Variants in EML1 observed in about 807,000 individuals in gnomAD.
EML1 encodes the protein echinoderm microtubule-associated protein-like 1.
Under a neutral mutation model 110.4 loss-of-function variants are expected in EML1, and 27 were observed. That is an observed-to-expected ratio of 0.24 (90% CI 0.18 to 0.34). The LOEUF (loss-of-function observed/expected upper bound fraction) is 0.34, where lower values mean the gene tolerates loss of function less well. Among genes scored for constraint, EML1 ranks in the 10% least tolerant of loss-of-function variants. EML1 has a pLI of 1.00. For missense variants in EML1, 741 were observed against 1,030.9 expected, an observed-to-expected ratio of 0.72 and a Z score of 3.85; for synonymous variants, 344 against 385.8, an observed-to-expected ratio of 0.89 and a Z score of 1.27.
At chr14:99,774,646 C>T (rs2057462609) in intron 1 of EML1, among the ~76,000 whole-genome samples, 1 of 152,196 alleles carries the variant, frequency 6.6e-6, no homozygotes, top group Admixed American at 6.5e-5. Context: ...TCTGGGTGCT[C>T]AGCAGCATGG....
At chr14:99,808,394 A>G (rs1387166199) in intron 1 of EML1, among the ~76,000 whole-genome samples, 1 of 152,220 alleles carries the variant, frequency 6.6e-6, no homozygotes, top group Non-Finnish European at 1.5e-5. Context: ...GATCCTGAGA[A>G]GCTTTTCAGT....
intron 1 of EML1, among the ~76,000 whole-genome samples, chr14:99,800,482 C>A (rs1416935462): frequency 6.6e-6 from 1 of 152,162 alleles, no homozygotes; most frequent in Non-Finnish European, 1.5e-5. Flanking sequence ...ACACCTCAGC[C>A]TCCCGAGTAG....
chr14:99,747,142 A>G (rs1469770870), intron 1 of EML1, among the ~76,000 whole-genome samples: 2 of 141,706 alleles, frequency 1.4e-5, no homozygotes, highest in Non-Finnish European at 3.0e-5. Flanking sequence ...GAGCCGAGAT[A>G]GCGCCACTGC....
intron 1 of EML1, among the ~76,000 whole-genome samples, chr14:99,753,196 G>GCCCCCCCCCGCCGCC (rs1183572459): frequency 1.2e-5 from 1 of 81,848 alleles, no homozygotes; most frequent in East Asian, 4.5e-4. Flanking sequence ...CGCACCCCCC[G>GCCCCCCCCCGCCGCC]CCCCCCCGCC....
At chr14:99,875,268 AC>A (rs974533646) in intron 3 of EML1, among the ~76,000 whole-genome samples, 3 of 152,188 alleles carry the variant, frequency 2.0e-5, no homozygotes, top group African/African-American at 7.2e-5. Flanking sequence ...ACTTGCTGTA[AC>A]CCCAAACAAG....
rs1386006858 is a variant in EML1 at position 99,939,510 on chromosome 14, G to A, written c.2322+183G>A. Among the ~76,000 whole-genome samples the A allele has an allele frequency of 6.6e-6, 1 of 152,138 alleles. No homozygotes were observed. Among genetic ancestry groups the A allele is most frequent in the Non-Finnish European group, 1.5e-5 (1 of 68,024 alleles). On this transcript the variant is annotated intron_variant, in intron 21 of 21. Transcript: ENST00000262233. This position sits in a 1 kb window ranked among gnomAD's most constrained non-coding sequence, Gnocchi z 4.2. Reference sequence around the variant, plus strand: ...CCTTAGGGAAACCCCAAGCCCCACAGGACCCACAAAGCCGTTCAGAGCTGC... The same window carrying A: ...CCTTAGGGAAACCCCAAGCCCCACAAGACCCACAAAGCCGTTCAGAGCTGC...
intron 1 of EML1, among the ~76,000 whole-genome samples, chr14:99,741,741 G>A (rs961370193): frequency 2.0e-5 from 3 of 151,790 alleles, no homozygotes; most frequent in South Asian, 2.1e-4. Flanking sequence ...AGAAGGCCTC[G>A]CCCCCCAATT....
chr14:99,779,279 C>T (rs2057514425), intron 1 of EML1, among the ~76,000 whole-genome samples: 1 of 152,060 alleles, frequency 6.6e-6, no homozygotes, highest in South Asian at 2.1e-4. Context: ...GTAGACATTG[C>T]TGTGGGGATT....
At chr14:99,809,073 T>C (rs191968727) in intron 1 of EML1, among the ~76,000 whole-genome samples, 1 of 152,332 alleles carries the variant, frequency 6.6e-6, no homozygotes, top group African/African-American at 2.4e-5. Flanking sequence ...CTATTTGTTG[T>C]CTTCATGTTA....
intron 1 of EML1, among the ~76,000 whole-genome samples, chr14:99,764,990 C>T (rs776146244): frequency 4.6e-5 from 7 of 152,218 alleles, no homozygotes; most frequent in East Asian, 3.9e-4. Context: ...CAAGCTGGAG[C>T]GCAGTGGAAC....
Position 99,941,894 on chromosome 14 carries a change from T to C in EML1, c.*1782T>C, listed in dbSNP as rs1483419825. ...TCAGTAAGGTCTGCTTTTATTTCTA[T>C]GTACTCCTGTTTGCCAAGCTCAATA... is the stretch of plus-strand genomic sequence containing the variant. On this transcript the variant is annotated 3_prime_UTR_variant, in exon 22 of 22. Coordinates refer to ENST00000262233, the MANE Select transcript of EML1 (RefSeq NM_004434.3). 1 of 152,256 alleles carries C rather than the reference T, an allele frequency of 6.6e-6. No individual in the cohort carries two copies. The highest frequency in any genetic ancestry group is 2.1e-4 in the South Asian group (1 of 4,832). The allele number at this position is 152,256 out of a possible 1,614,324, so 9.4% of individuals were successfully genotyped here.
intron 3 of EML1, among the ~76,000 whole-genome samples, chr14:99,873,816 C>T (rs1308019760): frequency 6.6e-6 from 1 of 152,200 alleles, no homozygotes; most frequent in African/African-American, 2.4e-5. Flanking sequence ...AGAATTATCT[C>T]CTAATTTGAG....
rs906777578 is a variant in EML1 at position 99,827,629 on chromosome 14, C to T, written c.68-23224C>T. On this transcript the variant is annotated intron_variant, in intron 1 of 21. Transcript: ENST00000262233. This position sits in a 1 kb window ranked among gnomAD's most constrained non-coding sequence, Gnocchi z 4.4. The stretch of plus-strand genomic sequence containing the variant: ...GCCCTACTCCAGTCTGACTGGTGTC[C>T]TTATAAGAAGAGGAGATAAGACTTA... 6.6e-6 allele frequency among the ~76,000 whole-genome samples: 1 copy of T among 151,228 alleles called. No individual in the cohort carries two copies. The highest frequency in any genetic ancestry group is 1.5e-5 in the Non-Finnish European group (1 of 67,816).
intron 17 of EML1, among the ~76,000 whole-genome samples, chr14:99,935,281 C>A (rs999624687): frequency 6.6e-6 from 1 of 151,752 alleles, no homozygotes; most frequent in Non-Finnish European, 1.5e-5. Context: ...TGAGACCAAC[C>A]TGGTCAACAC....
chr14:99,874,005 A>G (rs2139917540), intron 3 of EML1, among the ~76,000 whole-genome samples: 1 of 152,342 alleles, frequency 6.6e-6, no homozygotes, highest in South Asian at 2.1e-4. Flanking sequence ...CACACATAAG[A>G]GCTGTCTGTC....
At chr14:99,935,026 T>C (rs1014230767) in intron 17 of EML1, among the ~76,000 whole-genome samples, 4 of 152,058 alleles carry the variant, frequency 2.6e-5, no homozygotes, top group Admixed American at 6.5e-5. Flanking sequence ...CAGAGAGCAG[T>C]GAGTGCAGAG....
chr14:99,844,476 CA>C (rs71113228), intron 1 of EML1, among the ~76,000 whole-genome samples: 12,875 of 136,310 alleles, frequency 0.094, 1,654 homozygotes, highest in African/African-American at 0.32. Flanking sequence ...GAGACTTTGT[CA>C]AAAAAAAAAA....
intron 17 of EML1, among the ~76,000 whole-genome samples, chr14:99,933,093 C>T (rs967887052): frequency 1.3e-5 from 2 of 152,124 alleles, no homozygotes; most frequent in Admixed American, 1.3e-4. Context: ...GGTGACACAG[C>T]GAGACCCCAT....
chr14:99,919,418 G>GCA (rs1555404801), intron 16 of EML1, among the ~76,000 whole-genome samples: 3 of 95,236 alleles, frequency 3.2e-5, no homozygotes, highest in African/African-American at 8.0e-5. Context: ...ACATACGCAT[G>GCA]CACACAGACA....
Sources: gnomAD v4.1 joint callset for allele counts (sites outside exome capture counted in the v4.1 genomes callset) on GRCh38, gnomAD v4.1.1 for gene constraint, Gnocchi (gnomAD v3.1) non-coding constraint, MANE v1.5 for transcripts, NCBI Gene and HGNC (gene_info 2026-07-23, HGNC 2026-07-21) for gene names.